The following GPC5 variants were observed in gnomAD, a reference collection of about 807,000 sequenced individuals.
GPC5 encodes the protein glypican-5.
GPC5 carries 47 observed loss-of-function variants against 53.9 expected under a neutral mutation model. The ratio of observed to expected loss-of-function variants is 0.87; its 90% confidence interval spans 0.69 to 1.11. The LOEUF (loss-of-function observed/expected upper bound fraction) is 1.11. Among genes scored for constraint, GPC5 ranks in the 50% most tolerant of loss-of-function variants. GPC5 has a pLI of 0.00. For missense variants in GPC5, 748 were observed against 713.1 expected (o/e 1.05, Z -0.56); for synonymous variants, 286 against 263.3 (o/e 1.09, Z -0.84).
At chr13:91,610,871 G>T (rs2033526638) in intron 2 of GPC5, among the ~76,000 whole-genome samples, 2 of 152,236 alleles carry the variant, frequency 1.3e-5, no homozygotes, top group African/African-American at 4.8e-5. Context: ...TTTGGAGCTC[G>T]GGAAATTGCT....
intron 6 of GPC5, among the ~76,000 whole-genome samples, chr13:92,010,518 A>T (rs1422458131): frequency 6.6e-6 from 1 of 152,226 alleles, no homozygotes; most frequent in Non-Finnish European, 1.5e-5. Flanking sequence ...CAGAATCTCT[A>T]TATTGAAGCA....
intron 7 of GPC5, among the ~76,000 whole-genome samples, chr13:92,495,872 T>C (rs1215434975): frequency 6.6e-6 from 1 of 152,086 alleles, no homozygotes; most frequent in African/African-American, 2.4e-5. Flanking sequence ...TTCGTCTAAA[T>C]ATTCTCGATC....
chr13:92,850,528 G>A (rs1878758496), intron 7 of GPC5, among the ~76,000 whole-genome samples: 1 of 152,164 alleles, frequency 6.6e-6, no homozygotes, highest in African/African-American at 2.4e-5. Context: ...GAACCCAGGA[G>A]GTGGAGGCTG....
Position 92,042,991 on chromosome 13 carries a change from G to A in GPC5, c.1402-101839G>A, listed in dbSNP as rs541959161. Among the ~76,000 whole-genome samples, 13 of 152,216 alleles carry A rather than the reference G, an allele frequency of 8.5e-5. No homozygotes were observed. The East Asian group carries it at 2.5e-3, about 29-fold the overall frequency. Reference sequence around the variant, plus strand: ...ACAGATATGAAAACTTCAGTAGATGGGCTGTACATAGATTTGGGTACACAG... The same window carrying A: ...ACAGATATGAAAACTTCAGTAGATGAGCTGTACATAGATTTGGGTACACAG... On this transcript the variant is annotated intron_variant, in intron 6 of 7. Coordinates refer to ENST00000377067, the MANE Select transcript of GPC5 (RefSeq NM_004466.6).
chr13:92,502,886 A>ATACATTTTT (rs1429167294), intron 7 of GPC5, among the ~76,000 whole-genome samples: 1 of 152,008 alleles, frequency 6.6e-6, no homozygotes, highest in East Asian at 1.9e-4. Context: ...ACAGCAGTGC[A>ATACATTTTT]TACATTTTTC....
intron 7 of GPC5, among the ~76,000 whole-genome samples, chr13:92,415,131 A>C (rs1801663961): frequency 6.6e-6 from 1 of 152,210 alleles, no homozygotes; most frequent in Non-Finnish European, 1.5e-5. Context: ...GAGAAACATA[A>C]AGCTGGAGAG....
At chr13:92,101,443 A>T (rs1411742) in intron 6 of GPC5, among the ~76,000 whole-genome samples, 71,120 of 152,040 alleles carry the variant, frequency 0.47, 18,043 homozygotes, top group East Asian at 0.79. Context: ...TATGTCAGTT[A>T]CCACGGACTG....
intron 5 of GPC5, among the ~76,000 whole-genome samples, chr13:91,848,888 C>T (rs1262609244): frequency 6.6e-6 from 1 of 152,078 alleles, no homozygotes; most frequent in African/African-American, 2.4e-5. Context: ...TCAGATATTC[C>T]TGAAAGTATA....
At chr13:92,080,173 A>G (rs1566426320) in intron 6 of GPC5, among the ~76,000 whole-genome samples, 1 of 152,112 alleles carries the variant, frequency 6.6e-6, no homozygotes, top group Non-Finnish European at 1.5e-5. Flanking sequence ...TCTCAGACAG[A>G]TATTTATCAG....
At chr13:91,650,065 AG>A (rs138229600) in intron 2 of GPC5, among the ~76,000 whole-genome samples, 9,876 of 152,224 alleles carry the variant, frequency 0.065, 1,081 homozygotes, top group African/African-American at 0.22. Flanking sequence ...AACATGGACA[AG>A]GGGACATACT....
At chr13:92,223,008 AT>A (rs567709575) in intron 7 of GPC5, among the ~76,000 whole-genome samples, 2 of 152,202 alleles carry the variant, frequency 1.3e-5, no homozygotes, top group South Asian at 2.1e-4. Flanking sequence ...GTATTTATAG[AT>A]TTTTTATGAG....
chr13:92,517,671 C>T (rs1332310276), intron 7 of GPC5, among the ~76,000 whole-genome samples: 2 of 152,112 alleles, frequency 1.3e-5, no homozygotes. Flanking sequence ...ACACCAAAAC[C>T]CCATCTGTAC....
At chr13:92,147,489 C>T (rs7320937) in intron 7 of GPC5, among the ~76,000 whole-genome samples, 54,913 of 151,678 alleles carry the variant, frequency 0.36, 10,408 homozygotes, top group South Asian at 0.63. Flanking sequence ...TATATTAGTA[C>T]GTCACTCTTT....
intron 5 of GPC5, among the ~76,000 whole-genome samples, chr13:91,827,701 G>A (rs1466707516): frequency 6.6e-6 from 1 of 152,008 alleles, no homozygotes; most frequent in Non-Finnish European, 1.5e-5. Flanking sequence ...GACTTAAACT[G>A]TTTCTTGCTG....
intron 7 of GPC5, among the ~76,000 whole-genome samples, chr13:92,304,686 A>AAATG (rs2043099577): frequency 7.6e-6 from 1 of 131,762 alleles, no homozygotes; most frequent in African/African-American, 3.1e-5. Flanking sequence ...TAAGTTAAAT[A>AAATG]TTTCACCTTG....
At chr13:92,833,571 A>G (rs181463193) in intron 7 of GPC5, among the ~76,000 whole-genome samples, 19 of 152,352 alleles carry the variant, frequency 1.2e-4, no homozygotes, top group African/African-American at 4.3e-4. Context: ...ATAAAAAGAT[A>G]CAGCTGTCCT....
intron 7 of GPC5, among the ~76,000 whole-genome samples, chr13:92,366,081 CAT>C (rs1280600489): frequency 3.3e-5 from 5 of 151,584 alleles, no homozygotes; most frequent in Admixed American, 6.6e-5. Flanking sequence ...ACCACAAACA[CAT>C]GAGTAATGCA....
chr13:92,741,517 A>G lies in GPC5; in HGVS notation c.1562-124765A>G, dbSNP rs545379135. 1.1e-4 allele frequency among the ~76,000 whole-genome samples: 16 copies of G among 152,184 alleles called. No individual in the cohort carries two copies. In the South Asian group the frequency reaches 2.5e-3, roughly 24 times the overall value. On this transcript the variant is annotated intron_variant, in intron 7 of 7. Coordinates refer to ENST00000377067, the MANE Select transcript of GPC5 (RefSeq NM_004466.6). The stretch of plus-strand genomic sequence containing the variant: ...GAAATTATCCAGTTTATAATTATCC[A>G]GAAAACAGGTTGAAACAGTGCATTA...
intron 3 of GPC5, among the ~76,000 whole-genome samples, chr13:91,711,074 AC>A (rs1296295430): frequency 6.6e-6 from 1 of 152,170 alleles, no homozygotes; most frequent in East Asian, 1.9e-4. Context: ...AACTAGAAAT[AC>A]CATTTGACCC....
Sources: gnomAD v4.1 joint callset for allele counts (sites outside exome capture counted in the v4.1 genomes callset) on GRCh38, gnomAD v4.1.1 for gene constraint, MANE v1.5 for transcripts, NCBI Gene and HGNC (gene_info 2026-07-23, HGNC 2026-07-21) for gene names.